The following NR3C2 variants were observed in gnomAD, a reference collection of about 807,000 sequenced individuals.
NR3C2 encodes mineralocorticoid receptor.
Under a neutral mutation model 86.4 loss-of-function variants are expected in NR3C2, and 15 were observed. The ratio of observed to expected loss-of-function variants is 0.17; its 90% CI spans 0.12 to 0.27. The LOEUF is 0.27. Among genes scored for constraint, NR3C2 ranks in the 10% least tolerant of loss-of-function variants. The pLI is 1.00. For synonymous variants in NR3C2, 458 were observed against 450.5 expected, an observed-to-expected ratio of 1.02 and a Z score of -0.21; for missense variants, 960 against 1,195.6, an observed-to-expected ratio of 0.80 and a Z score of 2.91.
chr4:148,173,202 G>A (rs542425002), intron 4 of NR3C2, among the ~76,000 whole-genome samples: 1 of 152,310 alleles, frequency 6.6e-6, no homozygotes, highest in South Asian at 2.1e-4. Flanking sequence ...GTTGGACATA[G>A]GTCATTACAT....
At chr4:148,129,455 A>T (rs1732914410) in intron 6 of NR3C2, among the ~76,000 whole-genome samples, 1 of 152,232 alleles carries the variant, frequency 6.6e-6, no homozygotes, top group Admixed American at 6.5e-5. Context: ...ACAATGTAAT[A>T]CTACTACTGA....
At chr4:148,128,130 C>G (rs1197561860) in intron 6 of NR3C2, among the ~76,000 whole-genome samples, 2 of 152,152 alleles carry the variant, frequency 1.3e-5, no homozygotes, top group Non-Finnish European at 2.9e-5. Context: ...ATTTAAATGA[C>G]TTGGGTGCTG....
At chr4:148,333,064 G>A (rs1000476351) in intron 2 of NR3C2, among the ~76,000 whole-genome samples, 3 of 151,750 alleles carry the variant, frequency 2.0e-5, no homozygotes, top group Non-Finnish European at 4.4e-5. Context: ...ACAGAAGTTC[G>A]AGACCAGCCT....
At chr4:148,089,985 C>A (rs1245996496) in intron 8 of NR3C2, among the ~76,000 whole-genome samples, 1 of 152,220 alleles carries the variant, frequency 6.6e-6, no homozygotes, top group Non-Finnish European at 1.5e-5. Context: ...GTATCAACCA[C>A]CACAAGGACG....
At chr4:148,434,989 C>A in intron 2 of NR3C2, 115 bp downstream of exon 2, 2 of 1,012,716 alleles carry the variant, frequency 2.0e-6, no homozygotes, top group African/African-American at 1.6e-5. Flanking sequence ...CAACATATGA[C>A]CATCCTTAAA....
intron 2 of NR3C2, among the ~76,000 whole-genome samples, chr4:148,286,905 G>A (rs761917299): frequency 2.0e-5 from 3 of 152,238 alleles, no homozygotes; most frequent in Non-Finnish European, 2.9e-5. Flanking sequence ...TGGGAATGTC[G>A]TTAGAGAGTC....
At chr4:148,104,349 T>TGG (rs1370398121) in intron 8 of NR3C2, among the ~76,000 whole-genome samples, 7 of 147,246 alleles carry the variant, frequency 4.8e-5, no homozygotes, top group East Asian at 2.0e-4. Flanking sequence ...TTGGTTTTTT[T>TGG]TTTTTTTTTT....
In NR3C2 at chr4:148,126,476, A is replaced by G. The variant is rs1164486450; in HGVS notation, c.2511-6188T>C. On this transcript the variant is annotated intron_variant, in intron 6 of 8. Coordinates refer to ENST00000358102, the MANE Select transcript of NR3C2 (RefSeq NM_000901.5). The stretch of plus-strand genomic sequence containing the variant: ...TTTCTATATAGAAGATGGCAAATCT[A>G]GGGAAAAACCAGAGATAATGTAGGT... Among the ~76,000 whole-genome samples the G allele has an allele frequency of 3.3e-5, 5 of 152,362 alleles. No individual in the cohort carries two copies. The East Asian group carries it at 9.6e-4, about 29-fold the overall frequency.
At chr4:148,288,144 CATTTTAGAG>C (rs1410331961) in intron 2 of NR3C2, among the ~76,000 whole-genome samples, 1 of 152,184 alleles carries the variant, frequency 6.6e-6, no homozygotes, top group Non-Finnish European at 1.5e-5. Context: ...AAGTGATACA[CATTTTAGAG>C]GTCACTGGAC....
intron 4 of NR3C2, among the ~76,000 whole-genome samples, chr4:148,186,996 GTATATATATATATATATATA>G (rs1162757665): frequency 0.12 from 3,269 of 27,170 alleles, 113 homozygotes; most frequent in Middle Eastern, 0.21. Flanking sequence ...GTGTATGTAT[GTATATATATATATATATATA>G]TATATATATA....
intron 2 of NR3C2, among the ~76,000 whole-genome samples, chr4:148,304,088 T>C (rs577855248): frequency 8.5e-5 from 13 of 152,132 alleles, no homozygotes; most frequent in Non-Finnish European, 1.8e-4. Context: ...TGAGTAGTCA[T>C]TCATTTTCAG....
At chr4:148,115,472 T>C (rs191287663) in intron 7 of NR3C2, among the ~76,000 whole-genome samples, 1 of 152,350 alleles carries the variant, frequency 6.6e-6, no homozygotes, top group East Asian at 1.9e-4. Flanking sequence ...ACATTCTGAT[T>C]TTGAAACTGC....
intron 2 of NR3C2, among the ~76,000 whole-genome samples, chr4:148,332,855 G>C (rs1394623174): frequency 1.3e-5 from 2 of 152,158 alleles, no homozygotes; most frequent in Admixed American, 1.3e-4. Context: ...GGGTGTGTTA[G>C]AGTGTGTATG....
At chr4:148,237,217 A>C (rs930047826) in intron 3 of NR3C2, among the ~76,000 whole-genome samples, 14 of 152,194 alleles carry the variant, frequency 9.2e-5, no homozygotes, top group African/African-American at 3.1e-4. Flanking sequence ...CATCATTTGC[A>C]ACTGGACAAT....
chr4:148,167,909 T>C (rs1185248103), intron 4 of NR3C2, among the ~76,000 whole-genome samples: 1 of 152,092 alleles, frequency 6.6e-6, no homozygotes, highest in Admixed American at 6.5e-5. Flanking sequence ...TCAAGCAATC[T>C]CCAAGAAGCA....
chr4:148,299,584 C>T (rs1209976407), intron 2 of NR3C2, among the ~76,000 whole-genome samples: 4 of 152,232 alleles, frequency 2.6e-5, no homozygotes, highest in Non-Finnish European at 4.4e-5. Flanking sequence ...GGCCAGCATT[C>T]TCCAATACAA....
At chr4:148,320,125 T>C (rs1459607773) in intron 2 of NR3C2, among the ~76,000 whole-genome samples, 1 of 108,204 alleles carries the variant, frequency 9.2e-6, no homozygotes, top group African/African-American at 4.3e-5. Flanking sequence ...TCTGCATCTA[T>C]TGAGATAATC....
chr4:148,108,252 C>T (rs1309889491), intron 8 of NR3C2, among the ~76,000 whole-genome samples: 1 of 152,032 alleles, frequency 6.6e-6, no homozygotes, highest in Non-Finnish European at 1.5e-5. Context: ...TACAGGCACG[C>T]ATCACCACAC....
intron 2 of NR3C2, among the ~76,000 whole-genome samples, chr4:148,408,890 A>G (rs1214393014): frequency 2.0e-5 from 3 of 152,146 alleles, no homozygotes; most frequent in South Asian, 2.1e-4. Context: ...ACTCAGTATT[A>G]TAAGAAACAG....
Sources: allele counts gnomAD v4.1 joint callset (sites outside exome capture counted in the v4.1 genomes callset), GRCh38; gene constraint gnomAD v4.1.1; transcripts MANE v1.5; gene names NCBI Gene and HGNC (gene_info 2026-07-23, HGNC 2026-07-21).